Variants in USP14 observed in about 807,000 individuals in gnomAD.
The protein encoded by USP14 is ubiquitin specific peptidase 14, also known as ubiquitin carboxyl-terminal hydrolase 14.
A neutral mutation model predicts 76.5 loss-of-function variants in USP14; 38 were observed. That is an observed-to-expected ratio of 0.50 (90% CI 0.38 to 0.65). The LOEUF (loss-of-function observed/expected upper bound fraction) is 0.65, where lower values mean the gene tolerates loss of function less well. Ranked by LOEUF, USP14 falls within the 30% of genes least tolerant of loss-of-function variation. The pLI is 0.00. For synonymous variants in USP14, 192 were observed against 191.7 expected, an observed-to-expected ratio of 1.00 and a Z score of -0.01; for missense variants, 467 against 586.5, an observed-to-expected ratio of 0.80 and a Z score of 2.10.
In USP14 at chr18:166,839, C is replaced by T. The variant is rs372953435; in HGVS notation, c.195+20C>T. The stretch of plus-strand genomic sequence containing the variant: ...AAAAATGTAAGTATTATCTTATGAA[C>T]GTTTATTATAATGCAGTAACCTCAT... On this transcript the variant is annotated intron_variant, in intron 3 of 15. Transcript: ENST00000261601. 15 of 1,604,440 alleles carry T rather than the reference C, an allele frequency of 9.3e-6. No individual in the cohort carries two copies. The East Asian group carries it at 1.6e-4, about 17-fold the overall frequency.
chr18:171,024 AAATATATATAT>A (rs1375179327), intron 3 of USP14, among the ~76,000 whole-genome samples: 59 of 58,798 alleles, frequency 1.0e-3, no homozygotes, highest in African/African-American at 3.2e-3. Flanking sequence ...AAAAAAAAAA[AAATATATATAT>A]ATATATATAT....
chr18:197,492 A>G, intron 7 of USP14, 124 bp from the exon 8 acceptor site: 1 of 676,280 alleles, frequency 1.5e-6, no homozygotes, highest in Non-Finnish European at 2.5e-6. Context: ...CGTATGTCTT[A>G]TTTGGCTTAA....
intron 13 of USP14, 102 bp downstream of exon 13, chr18:204,794 A>G: frequency 7.3e-7 from 1 of 1,366,532 alleles, no homozygotes; most frequent in Non-Finnish European, 9.9e-7. Context: ...TTCCTTCAGA[A>G]CTATACTTTG....
intron 1 of USP14, among the ~76,000 whole-genome samples, chr18:159,379 A>G (rs1217082259): frequency 6.6e-6 from 1 of 152,162 alleles, no homozygotes; most frequent in Non-Finnish European, 1.5e-5. Context: ...TTGGCGTTTG[A>G]CAGGGGCTTG....
rs1910124652 is a variant in USP14 at position 192,743 on chromosome 18, G to A, written c.405-99G>A. 2.8e-6 allele frequency: 3 copies of A among 1,082,672 alleles called. No homozygotes were observed. The Admixed American group carries it at 6.2e-5, about 23-fold the overall frequency. 67.1% of individuals were successfully genotyped at this position (1,082,672 alleles called of 1,614,324 possible). A position where few individuals can be genotyped will look rare whatever the true frequency, so the allele number is the denominator to read the frequency against. Reference sequence around the variant, plus strand: ...TGGGAACAACTCTGAGAAACTTGCAGTTGAGGGTGTCATAAGAACTCCTTT... The same window carrying A: ...TGGGAACAACTCTGAGAAACTTGCAATTGAGGGTGTCATAAGAACTCCTTT... On this transcript the variant is annotated intron_variant, in intron 5 of 15. Coordinates refer to ENST00000261601, the MANE Select transcript of USP14 (RefSeq NM_005151.4).
At chr18:177,133 A>G (rs992724925) in intron 3 of USP14, among the ~76,000 whole-genome samples, 1 of 152,030 alleles carries the variant, frequency 6.6e-6, no homozygotes, top group Non-Finnish European at 1.5e-5. Flanking sequence ...TTATTCTCTC[A>G]TTAAAGTATT....
chr18:178,282 G>C (rs1909685424), intron 3 of USP14, among the ~76,000 whole-genome samples: 1 of 152,098 alleles, frequency 6.6e-6, no homozygotes, highest in African/African-American at 2.4e-5. Flanking sequence ...CTCCCAAAGT[G>C]CTAGGATTAC....
chr18:211,069 TGCAGTGGAA>T, intron 15 of USP14, 55 bp from the exon 16 acceptor site: 1 of 1,534,576 alleles, frequency 6.5e-7, no homozygotes, highest in South Asian at 1.2e-5. Context: ...ATACTTTTTT[TGCAGTGGAA>T]CTCTGAGACG....
At chr18:163,587 T>G in intron 2 of USP14, 134 bp downstream of exon 2, 1 of 976,876 alleles carries the variant, frequency 1.0e-6, no homozygotes, top group African/African-American at 1.6e-5. Context: ...TCAGCTATGG[T>G]GTTAAAACTG....
chr18:172,009 G>A (rs1158135546), intron 3 of USP14, among the ~76,000 whole-genome samples: 1 of 152,192 alleles, frequency 6.6e-6, no homozygotes, highest in East Asian at 1.9e-4. Flanking sequence ...GGGAGTCTGA[G>A]ACAGGAGGAG....
chr18:173,393 G>T (rs1262525101), intron 3 of USP14, among the ~76,000 whole-genome samples: 5 of 150,730 alleles, frequency 3.3e-5, no homozygotes, highest in African/African-American at 1.2e-4. Context: ...TTACAGGCTT[G>T]AGCCACCATG....
intron 3 of USP14, among the ~76,000 whole-genome samples, chr18:176,159 C>CA (rs375338291): frequency 8.9e-4 from 129 of 145,494 alleles, no homozygotes; most frequent in Middle Eastern, 3.5e-3. Flanking sequence ...TGTGTCCCCC[C>CA]AAAAAAAAAA....
rs111695061 is a variant in USP14 at position 175,051 on chromosome 18, G to A, written c.196-3882G>A. ...AGCTCCCAAAGTGCTGGGATTACAA[G>A]CGTGAGCCACTGCACCCAGCTGTGG... On this transcript the variant is annotated intron_variant, in intron 3 of 15. Coordinates refer to ENST00000261601, the MANE Select transcript of USP14 (RefSeq NM_005151.4). 5.1e-3 allele frequency among the ~76,000 whole-genome samples: 772 copies of A among 152,228 alleles called. 2 individuals carry two copies. Among genetic ancestry groups the A allele is most frequent in the African/African-American group, 0.018 (757 of 41,532 alleles).
At chr18:188,904 C>G (rs1033408981) in intron 5 of USP14, among the ~76,000 whole-genome samples, 1 of 152,196 alleles carries the variant, frequency 6.6e-6, no homozygotes, top group Non-Finnish European at 1.5e-5. Context: ...GTCTTGAACT[C>G]CTGACCTCAG....
intron 3 of USP14, among the ~76,000 whole-genome samples, chr18:176,584 G>T (rs1909634058): frequency 6.6e-6 from 1 of 151,796 alleles, no homozygotes; most frequent in African/African-American, 2.4e-5. Flanking sequence ...TTGCTTTTTT[G>T]AGTGCTTAGT....
chr18:173,435 G>A (rs1205720771), intron 3 of USP14, among the ~76,000 whole-genome samples: 3 of 149,440 alleles, frequency 2.0e-5, no homozygotes, highest in African/African-American at 7.4e-5. Context: ...TTTTGAGACG[G>A]AGTTCCGTTC....
At chr18:194,055 A>T (rs9962773) in intron 6 of USP14, among the ~76,000 whole-genome samples, 22,697 of 152,142 alleles carry the variant, frequency 0.15, 1,916 homozygotes, top group African/African-American at 0.21. Flanking sequence ...CCAGAAGGGT[A>T]TGAGGGTTCT....
rs759433234 is a variant in USP14, at chr18:203,082, C to T, written c.943-16C>T. On this transcript the variant is annotated splice_polypyrimidine_tract_variant and intron_variant, in intron 11 of 15. Transcript: ENST00000261601. Reference sequence around the variant, plus strand: ...ATTTTGATGTAATGGGATTTCTTTACATTTTGTCTCCTCAGTCCAAGATCA... The same window carrying T: ...ATTTTGATGTAATGGGATTTCTTTATATTTTGTCTCCTCAGTCCAAGATCA... 5 of 1,611,806 alleles carry T rather than the reference C, an allele frequency of 3.1e-6. No individual in the cohort carries two copies. The highest frequency in any genetic ancestry group is 4.2e-6 in the Non-Finnish European group (5 of 1,179,218).
chr18:197,498 CT>C, intron 7 of USP14, 117 bp from the exon 8 acceptor site: 4 of 716,778 alleles, frequency 5.6e-6, no homozygotes, highest in Non-Finnish European at 2.3e-6. Context: ...TCTTATTTGG[CT>C]TAATATTTTT....
Sources: gnomAD v4.1 joint callset for allele counts (sites outside exome capture counted in the v4.1 genomes callset) on GRCh38, gnomAD v4.1.1 for gene constraint, MANE v1.5 for transcripts, NCBI Gene and HGNC (gene_info 2026-07-23, HGNC 2026-07-21) for gene names.